The following FILIP1L variants were observed in gnomAD, a reference collection of about 807,000 sequenced individuals.
The protein encoded by FILIP1L is filamin A interacting protein 1 like, also known as filamin A-interacting protein 1-like.
FILIP1L carries 55 observed loss-of-function variants against 96.6 expected under a neutral mutation model. The ratio of observed to expected loss-of-function variants is 0.57; its 90% CI spans 0.46 to 0.71. FILIP1L has a LOEUF of 0.71. FILIP1L is among the 30% of genes least tolerant of loss of function. The probability of loss-of-function intolerance (pLI) is 0.00; values close to 1 mark genes in which losing one functional copy is unlikely to be tolerated. For synonymous variants in FILIP1L, 467 were observed against 473.9 expected (o/e 0.99, Z 0.19); for missense variants, 1,304 against 1,321.2 (o/e 0.99, Z 0.20).
intron 1 of FILIP1L, among the ~76,000 whole-genome samples, chr3:99,986,494 GA>G (rs1344333155): frequency 6.6e-6 from 1 of 152,182 alleles, no homozygotes; most frequent in Non-Finnish European, 1.5e-5. Flanking sequence ...AGTTGATAGT[GA>G]AAGAAATAGA....
intron 1 of FILIP1L, among the ~76,000 whole-genome samples, chr3:100,056,398 C>T (rs1183432329): frequency 2.0e-5 from 3 of 152,172 alleles, no homozygotes; most frequent in Non-Finnish European, 4.4e-5. Flanking sequence ...CCTAGAAATA[C>T]TTATTTTAAA....
intron 1 of FILIP1L, among the ~76,000 whole-genome samples, chr3:100,072,910 G>A (rs2065786363): frequency 6.6e-6 from 1 of 152,206 alleles, no homozygotes; most frequent in Admixed American, 6.5e-5. Flanking sequence ...CGCCAGAAGA[G>A]TGAACACTGA....
At chr3:99,836,561 C>G (rs1213374131) in intron 5 of FILIP1L, among the ~76,000 whole-genome samples, 1 of 152,164 alleles carries the variant, frequency 6.6e-6, no homozygotes, top group African/African-American at 2.4e-5. Context: ...AACTGCCGCT[C>G]TTTTCTTCTC....
In FILIP1L at chr3:99,983,422, A is replaced by ATG. The variant is rs1420396845; in HGVS notation, c.-10-52394_-10-52393dup. Among the ~76,000 whole-genome samples the ATG allele has an allele frequency of 2.7e-3, 235 of 86,916 alleles. 8 individuals are homozygous for ATG. Among genetic ancestry groups the ATG allele is most frequent in the Non-Finnish European group, 4.3e-3 (200 of 46,048 alleles). 57.0% of individuals were successfully genotyped at this position (86,916 alleles called of 152,430 possible). ...TATATATATATATATATATATATGT[A>ATG]TGTATGTATGTATATATATGTATGT... On this transcript the variant is annotated intron_variant, in intron 1 of 5. Transcript: ENST00000477258.
intron 4 of FILIP1L, among the ~76,000 whole-genome samples, chr3:99,860,486 G>A (rs1299404825): frequency 6.6e-6 from 1 of 152,164 alleles, no homozygotes; most frequent in Non-Finnish European, 1.5e-5. Flanking sequence ...GCAGAAAAAG[G>A]AGCAAAGTAA....
intron 1 of FILIP1L, among the ~76,000 whole-genome samples, chr3:100,094,949 A>T (rs1022510529): frequency 7.2e-5 from 11 of 151,934 alleles, no homozygotes; most frequent in Non-Finnish European, 4.4e-5. Context: ...CGGCCTCCCA[A>T]AGTGCTGGGA....
intron 4 of FILIP1L, among the ~76,000 whole-genome samples, chr3:99,904,593 A>C (rs1706550109): frequency 6.6e-6 from 1 of 151,998 alleles, no homozygotes; most frequent in Non-Finnish European, 1.5e-5. Flanking sequence ...AGGTTTCCTT[A>C]CTTTTCTCTT....
chr3:100,044,668 A>G (rs968990461), intron 1 of FILIP1L, among the ~76,000 whole-genome samples: 3 of 152,246 alleles, frequency 2.0e-5, no homozygotes, highest in Admixed American at 1.3e-4. Context: ...TCTAAGAGCA[A>G]TGAGTAACCA....
At chr3:99,980,412 T>C (rs1377266939) in intron 1 of FILIP1L, among the ~76,000 whole-genome samples, 2 of 152,156 alleles carry the variant, frequency 1.3e-5, no homozygotes, top group Non-Finnish European at 2.9e-5. Flanking sequence ...ATCAGATATG[T>C]TAGGTAACTG....
chr3:100,040,010 TC>T (rs2065177399), intron 1 of FILIP1L: 1 of 152,196 alleles, frequency 6.6e-6, no homozygotes, highest in Admixed American at 6.5e-5. Context: ...ACCTTGGCCT[TC>T]CAAAATGCTG....
intron 1 of FILIP1L, among the ~76,000 whole-genome samples, chr3:100,074,066 T>C (rs1315423285): frequency 2.6e-5 from 4 of 152,242 alleles, no homozygotes; most frequent in African/African-American, 7.2e-5. Context: ...GTGGGGGCCT[T>C]TTTTTTCCCT....
rs79681183 is a variant in FILIP1L at position 99,848,381 on chromosome 3, C to G, written c.3295G>C (p.Ala1099Pro). Residue 1099 changes from alanine (A) to proline (P), a missense_variant, in exon 5 of 6, where the codon GCA (alanine) becomes CCA (proline). Transcript: ENST00000477258. Reference protein sequence around the residue: ...DNRTQGLINGALNKTTNKVTS... With the variant: ...DNRTQGLINGPLNKTTNKVTS... The stretch of plus-strand genomic sequence containing the variant: ...ACTTTATTGGTTGTTTTGTTTAGTG[C>G]CCCGTTAATTAAGCCTTGAGTTCGG... The G allele has an allele frequency of 6.2e-7, 1 of 1,613,982 alleles. No homozygotes were observed. Among genetic ancestry groups the G allele is most frequent in the Non-Finnish European group, 8.5e-7 (1 of 1,180,004 alleles).
At chr3:100,090,590 C>T (rs2066087260) in intron 1 of FILIP1L, among the ~76,000 whole-genome samples, 1 of 152,218 alleles carries the variant, frequency 6.6e-6, no homozygotes, top group Non-Finnish European at 1.5e-5. Flanking sequence ...TTCTCTGCAA[C>T]ACTAGCCTCT....
chr3:99,989,337 T>A (rs1249317973), intron 1 of FILIP1L, among the ~76,000 whole-genome samples: 7 of 152,186 alleles, frequency 4.6e-5, no homozygotes, highest in African/African-American at 1.7e-4. Context: ...AATGTAGAGG[T>A]GGGGGTGAGG....
At chr3:100,102,951 G>C (rs2066334413) in intron 1 of FILIP1L, among the ~76,000 whole-genome samples, 1 of 152,190 alleles carries the variant, frequency 6.6e-6, no homozygotes, top group Admixed American at 6.6e-5. Context: ...GGCAAGAGCA[G>C]TTGAAAGGAA....
At chr3:100,036,099 A>G (rs2065102460) in intron 1 of FILIP1L, among the ~76,000 whole-genome samples, 1 of 152,234 alleles carries the variant, frequency 6.6e-6, no homozygotes, top group South Asian at 2.1e-4. Flanking sequence ...AACTTAATAT[A>G]AAAGGAATTA....
intron 1 of FILIP1L, among the ~76,000 whole-genome samples, chr3:100,092,409 T>A (rs1463476444): frequency 6.6e-6 from 1 of 152,078 alleles, no homozygotes; most frequent in African/African-American, 2.4e-5. Flanking sequence ...AGATTTGTTT[T>A]GAGTGAGAAG....
At position 99,930,998 on chromosome 3, in the gene FILIP1L, G is replaced by A; in HGVS notation, c.23C>T (p.Thr8Ile). 6.2e-7 allele frequency: 1 copy of A among 1,613,700 alleles called. No homozygotes were observed. The highest frequency in any genetic ancestry group is 8.5e-7 in the Non-Finnish European group (1 of 1,179,900). The change falls in exon 2 of 6, where the codon ACC becomes ATC. Residue 8 changes from threonine to isoleucine, a missense_variant. By Grantham distance (89) the Thr-to-Ile change is moderately conservative. Transcript: ENST00000477258. The part of the protein sequence containing the change: MRSRGSD[T>I]EGSAQKKFPR... ...AAATTTCTTTTGGGCTGAGCCCTCG[G>A]TATCACTGCCTCTGGAACGCATTCT...
At chr3:100,062,840 T>C (rs2065597650) in intron 1 of FILIP1L, among the ~76,000 whole-genome samples, 1 of 152,230 alleles carries the variant, frequency 6.6e-6, no homozygotes, top group African/African-American at 2.4e-5. Context: ...ATTACTGTGA[T>C]GACTAGTCCC....
Sources: allele counts gnomAD v4.1 joint callset (sites outside exome capture counted in the v4.1 genomes callset), GRCh38; gene constraint gnomAD v4.1.1; transcripts MANE v1.5; gene names NCBI Gene and HGNC (gene_info 2026-07-23, HGNC 2026-07-21).